CYP27C1: variants seen among roughly 807,000 people sequenced by gnomAD.
CYP27C1 encodes cytochrome P450 family 27 subfamily C member 1.
In CYP27C1, 29 loss-of-function variants were observed where a neutral mutation model predicts 40.6. The ratio of observed to expected loss-of-function variants is 0.71; its 90% CI spans 0.53 to 0.97. The LOEUF (loss-of-function observed/expected upper bound fraction) is 0.97, where lower values mean the gene tolerates loss of function less well. CYP27C1 is among the 50% of genes least tolerant of loss of function. The probability of loss-of-function intolerance (pLI) is 0.00; values close to 1 mark genes in which losing one functional copy is unlikely to be tolerated. For missense variants in CYP27C1, 390 were observed against 485.8 expected (o/e 0.80, Z 1.85); for synonymous variants, 198 against 186.8 (o/e 1.06, Z -0.49).
chr2:127,204,428 A>G, intron 2 of CYP27C1, among the ~76,000 whole-genome samples: 1 of 114,336 alleles, frequency 8.7e-6, no homozygotes, highest in Non-Finnish European at 1.9e-5. Flanking sequence ...AAAGAGAGAA[A>G]GGAAAGAAAG....
At chr2:127,192,064 C>T (rs1682788103) in intron 8 of CYP27C1, among the ~76,000 whole-genome samples, 1 of 152,206 alleles carries the variant, frequency 6.6e-6, no homozygotes, top group African/African-American at 2.4e-5. Flanking sequence ...ACCAGGCTTC[C>T]CTGGTCCCTT....
At position 127,187,008 on chromosome 2, in the gene CYP27C1, CA is replaced by C; in HGVS notation, c.*262del. On this transcript the variant is annotated 3_prime_UTR_variant, in exon 9 of 9. Coordinates refer to ENST00000664447, the MANE Select transcript of CYP27C1 (RefSeq NM_001367502.1). Reference sequence around the variant, plus strand: ...ATTGAGTCTAGCACAATGTATGAAGCATAAAAATTCACTGCCACTGGTTTTT... The same window carrying C: ...ATTGAGTCTAGCACAATGTATGAAGCTAAAAATTCACTGCCACTGGTTTTT... The C allele has an allele frequency of 2.3e-6, 1 of 437,898 alleles. No homozygotes were observed. 27.1% of individuals were successfully genotyped at this position (437,898 alleles called of 1,614,324 possible). A position where few individuals can be genotyped will look rare whatever the true frequency, so the allele number is the denominator to read the frequency against.
At chr2:127,215,435 T>G (rs1227291050) in intron 1 of CYP27C1, among the ~76,000 whole-genome samples, 1 of 152,164 alleles carries the variant, frequency 6.6e-6, no homozygotes, top group Non-Finnish European at 1.5e-5. Flanking sequence ...GAAGAAAACA[T>G]AAGGGTAAAT....
intron 1 of CYP27C1, among the ~76,000 whole-genome samples, chr2:127,210,519 C>G (rs900559325): frequency 1.3e-5 from 2 of 151,884 alleles, no homozygotes; most frequent in African/African-American, 4.8e-5. Flanking sequence ...CAATACTAAC[C>G]CTAAATGTAA....
At chr2:127,205,752 A>G in intron 2 of CYP27C1, 148 bp downstream of exon 2, 1 of 985,478 alleles carries the variant, frequency 1.0e-6, no homozygotes, top group Non-Finnish European at 1.2e-6. Context: ...TGTCTGGGAG[A>G]TCGCACAAGG....
intron 1 of CYP27C1, among the ~76,000 whole-genome samples, chr2:127,215,841 G>A (rs1266923059): frequency 6.6e-6 from 1 of 151,664 alleles, no homozygotes; most frequent in Non-Finnish European, 1.5e-5. Context: ...GGGAGAGAGA[G>A]AGGGAGGGAG....
chr2:127,197,012 G>C (rs1449534993), intron 5 of CYP27C1, among the ~76,000 whole-genome samples: 1 of 152,164 alleles, frequency 6.6e-6, no homozygotes, highest in Non-Finnish European at 1.5e-5. Context: ...TTAAAAATCA[G>C]TATGAAGTTG....
At chr2:127,204,553 G>A (rs944045193) in intron 2 of CYP27C1, among the ~76,000 whole-genome samples, 6 of 70,540 alleles carry the variant, frequency 8.5e-5, no homozygotes, top group Admixed American at 1.8e-4. Context: ...GAGAGAGAGA[G>A]AGAGAAAGAA....
intron 1 of CYP27C1, among the ~76,000 whole-genome samples, chr2:127,217,572 G>A (rs761690859): frequency 2.0e-5 from 3 of 152,202 alleles, no homozygotes; most frequent in Non-Finnish European, 4.4e-5. Context: ...CAGAGGGCCA[G>A]CATTGGAGGA....
rs1008538079 is a variant in CYP27C1 at position 127,186,234 on chromosome 2, G to T, written c.*1037C>A. ...ATCTGATTATTCTTGATTTCACCAG[G>T]AGCTTTCTTTTTTATTTATTTATTA... On this transcript the variant is annotated 3_prime_UTR_variant, in exon 9 of 9. Coordinates refer to ENST00000664447, the MANE Select transcript of CYP27C1 (RefSeq NM_001367502.1). The surrounding 1 kb of genome is among the most constrained non-coding windows in gnomAD (Gnocchi z 4.5). 5 of 151,120 alleles carry T rather than the reference G, an allele frequency of 3.3e-5. No homozygotes were observed. The highest frequency in any genetic ancestry group is 7.4e-5 in the Non-Finnish European group (5 of 67,752). 9.4% of individuals were successfully genotyped at this position (151,120 alleles called of 1,614,324 possible).
intron 8 of CYP27C1, among the ~76,000 whole-genome samples, chr2:127,190,961 A>G (rs927558381): frequency 1.4e-5 from 2 of 146,598 alleles, no homozygotes; most frequent in African/African-American, 5.1e-5. Context: ...AAAAAAAATC[A>G]TGGGCCAGGC....
chr2:127,199,641 C>G lies in CYP27C1; in HGVS notation c.884-102G>C, dbSNP rs1299549842. ...CCCAGTAGCTTAACTAAACCAGTGG[C>G]AGGTGACAGAGGGTAAGGAAACCCA... On this transcript the variant is annotated intron_variant, in intron 4 of 8. Coordinates refer to ENST00000664447, the MANE Select transcript of CYP27C1 (RefSeq NM_001367502.1). 2.3e-6 allele frequency: 3 copies of G among 1,296,348 alleles called. No individual in the cohort carries two copies. In the African/African-American group the frequency reaches 4.5e-5, roughly 19 times the overall value. The allele number at this position is 1,296,348 out of a possible 1,614,324, so 80.3% of individuals were successfully genotyped here. A position where few individuals can be genotyped will look rare whatever the true frequency, so the allele number is the denominator to read the frequency against.
At chr2:127,204,626 A>AAAGG in intron 2 of CYP27C1, among the ~76,000 whole-genome samples, 1 of 38,948 alleles carries the variant, frequency 2.6e-5, no homozygotes, top group African/African-American at 9.9e-5. Context: ...AGAAAGAAAG[A>AAAGG]AGACTGCAGC....
intron 3 of CYP27C1, among the ~76,000 whole-genome samples, chr2:127,202,229 A>T (rs1683050727): frequency 6.6e-6 from 1 of 151,584 alleles, no homozygotes; most frequent in Non-Finnish European, 1.5e-5. Flanking sequence ...AGTTCAAGCG[A>T]TTCTCCTGCC....
chr2:127,199,010 C>T (rs1357382110), intron 5 of CYP27C1, among the ~76,000 whole-genome samples: 2 of 152,218 alleles, frequency 1.3e-5, no homozygotes, highest in Non-Finnish European at 2.9e-5. Flanking sequence ...AACGGCCAGT[C>T]GCAGTGGCTC....
intron 1 of CYP27C1, among the ~76,000 whole-genome samples, chr2:127,213,050 A>G (rs1573907341): frequency 2.0e-5 from 3 of 152,314 alleles, no homozygotes. Context: ...CAAATCATGA[A>G]TGAACTCCCA....
rs1372839189 is a variant in CYP27C1, at chr2:127,201,393, G to A, written c.674-62C>T. On this transcript the variant is annotated intron_variant, in intron 3 of 8. Transcript: ENST00000664447. The surrounding 1 kb of genome is among the most constrained non-coding windows in gnomAD (Gnocchi z 6.0). The stretch of plus-strand genomic sequence containing the variant: ...ATTATTTACCATACCAACAGGCAAT[G>A]TTGGGCCATAAATGCAACTTTCAAA... The A allele has an allele frequency of 6.6e-7, 1 of 1,522,720 alleles. No homozygotes were observed. The highest frequency in any genetic ancestry group is 9.0e-7 in the Non-Finnish European group (1 of 1,115,406). The allele number at this position is 1,522,720 out of a possible 1,614,324, so 94.3% of individuals were successfully genotyped here.
At chr2:127,206,265 A>T (rs1358915393) in intron 1 of CYP27C1, among the ~76,000 whole-genome samples, 175 bp from the exon 2 acceptor site, 14 of 151,462 alleles carry the variant, frequency 9.2e-5, no homozygotes, top group African/African-American at 3.4e-4. Context: ...ATGTTTTCAC[A>T]TAACCATCTC....
intron 6 of CYP27C1, among the ~76,000 whole-genome samples, chr2:127,194,805 G>T (rs1682864524): frequency 6.6e-6 from 1 of 152,070 alleles, no homozygotes; most frequent in East Asian, 1.9e-4. Context: ...GGCTAAAGCA[G>T]GGACAATATT....
Sources: allele counts gnomAD v4.1 joint callset (sites outside exome capture counted in the v4.1 genomes callset), GRCh38; gene constraint gnomAD v4.1.1; non-coding constraint Gnocchi (gnomAD v3.1); transcripts MANE v1.5; gene names NCBI Gene and HGNC (gene_info 2026-07-23, HGNC 2026-07-21).